EP400: variants seen among roughly 807,000 people sequenced by gnomAD.
EP400 encodes E1A-binding protein p400.
EP400 carries 105 observed loss-of-function variants against 354.1 expected under a neutral mutation model. That is an observed-to-expected ratio of 0.30 (90% CI 0.25 to 0.35). EP400 has a LOEUF of 0.35. EP400 is among the 10% of genes least tolerant of loss of function. EP400 has a pLI of 1.00. For missense variants in EP400, 3,280 were observed against 4,121.0 expected (o/e 0.80, Z 5.59); for synonymous variants, 1,646 against 1,716.9 (o/e 0.96, Z 1.02).
Position 131,952,405 on chromosome 12 carries a change from C to T in EP400, c.-36+2369C>T, listed in dbSNP as rs889647206. 2.6e-5 allele frequency among the ~76,000 whole-genome samples: 4 copies of T among 152,072 alleles called. No homozygotes were observed. In the South Asian group the frequency reaches 8.3e-4, roughly 32 times the overall value. ...TCAGTGATCCACCCACTTCGGCCTC[C>T]CAAAGTGCTGGGATTACAGGTGTGA... On this transcript the variant is annotated intron_variant, in intron 1 of 52. Transcript: ENST00000389561.
chr12:132,035,921 A>T (rs2136564515), intron 30 of EP400, among the ~76,000 whole-genome samples: 1 of 134,328 alleles, frequency 7.4e-6, no homozygotes, highest in Non-Finnish European at 1.6e-5. Flanking sequence ...TTCACACGGA[A>T]CGTCGTGGAA....
chr12:132,022,627 C>CA (rs1484581784), intron 23 of EP400, among the ~76,000 whole-genome samples: 2 of 148,898 alleles, frequency 1.3e-5, no homozygotes, highest in Admixed American at 1.3e-4. Flanking sequence ...TATGTTTTTT[C>CA]AAAAAAAGTG....
intron 12 of EP400, among the ~76,000 whole-genome samples, chr12:131,998,604 C>T (rs1204574068): frequency 6.7e-6 from 1 of 150,324 alleles, no homozygotes; most frequent in Non-Finnish European, 1.5e-5. Context: ...TTCTCTTATA[C>T]TCAGCAACTT....
intron 1 of EP400, among the ~76,000 whole-genome samples, chr12:131,958,786 G>C: frequency 6.6e-6 from 1 of 152,146 alleles, no homozygotes. Context: ...CTCCCCAGGT[G>C]CTGGCATTAC....
Position 132,075,119 on chromosome 12 carries a change from G to A in EP400, c.9022-1397G>A, listed in dbSNP as rs1207972602. Among the ~76,000 whole-genome samples, 1 of 152,106 alleles carries A rather than the reference G, an allele frequency of 6.6e-6. No homozygotes were observed. Among genetic ancestry groups the A allele is most frequent in the Admixed American group, 6.5e-5 (1 of 15,278 alleles). On this transcript the variant is annotated intron_variant, in intron 51 of 52. Transcript: ENST00000389561. The surrounding 1 kb of genome is among the most constrained non-coding windows in gnomAD (Gnocchi z 4.5). ...TAGGGCAGGTGCTTTTCTTACAGATGCCACTGGAGGAAGGGGATGCTTTCT... is the reference window on the plus strand; with the variant it reads ...TAGGGCAGGTGCTTTTCTTACAGATACCACTGGAGGAAGGGGATGCTTTCT...
intron 45 of EP400, among the ~76,000 whole-genome samples, chr12:132,058,751 G>T (rs957704667): frequency 1.3e-5 from 2 of 151,774 alleles, no homozygotes; most frequent in African/African-American, 4.8e-5. Context: ...ATGTAGAATT[G>T]ATTAGAGTAG....
intron 30 of EP400, among the ~76,000 whole-genome samples, chr12:132,032,637 T>C (rs938140827): frequency 2.0e-5 from 3 of 151,736 alleles, no homozygotes; most frequent in Non-Finnish European, 4.4e-5. Flanking sequence ...TTTTTTTTTT[T>C]TTCTTTTTTT....
In EP400 at chr12:132,043,740, A is replaced by C. The variant is rs764856818; in HGVS notation, c.6450+12A>C. The stretch of plus-strand genomic sequence containing the variant: ...AGAGAAACAGTGAGGTAAGAGAATC[A>C]ACTTTTGGTCAGTGAAAAAAATTTG... On this transcript the variant is annotated intron_variant, in intron 34 of 52. Transcript: ENST00000389561. 2.5e-6 allele frequency: 4 copies of C among 1,594,608 alleles called. No homozygotes were observed. Among genetic ancestry groups the C allele is most frequent in the Non-Finnish European group, 3.4e-6 (4 of 1,174,048 alleles).
At chr12:132,035,761 A>C (rs1436018968) in intron 30 of EP400, among the ~76,000 whole-genome samples, 1 of 149,072 alleles carries the variant, frequency 6.7e-6, no homozygotes, top group Non-Finnish European at 1.5e-5. Flanking sequence ...ACGTCTTGGA[A>C]GCACACAGCC....
Position 132,013,381 on chromosome 12 carries a change from T to C in EP400, c.3612-109T>C. On this transcript the variant is annotated intron_variant, in intron 17 of 52. Transcript: ENST00000389561. The surrounding 1 kb of genome is among the most constrained non-coding windows in gnomAD (Gnocchi z 4.5). ...TTTTCAGGCATGTGCACGTTGACAT[T>C]TGCGGTGTCAAATTACTGTCCCTTT... 1 of 1,432,196 alleles carries C rather than the reference T, an allele frequency of 7.0e-7. No homozygotes were observed. Among genetic ancestry groups the C allele is most frequent in the Non-Finnish European group, 9.4e-7 (1 of 1,064,990 alleles). The allele number at this position is 1,432,196 out of a possible 1,614,324, so 88.7% of individuals were successfully genotyped here. A position where few individuals can be genotyped will look rare whatever the true frequency, so the allele number is the denominator to read the frequency against.
chr12:132,078,378 CTACCCTGCAATGG>C lies in EP400; in HGVS notation c.*706_*718del, dbSNP rs1455275057. On this transcript the variant is annotated 3_prime_UTR_variant, in exon 53 of 53. Coordinates refer to ENST00000389561, the MANE Select transcript of EP400 (RefSeq NM_015409.5). ...AGCCAACAGTGGCCTCCCCCAGGCCCTACCCTGCAATGGGATTCGCTTTCATTTAATGGAAACT... is the reference window on the plus strand; with the variant it reads ...AGCCAACAGTGGCCTCCCCCAGGCCCGATTCGCTTTCATTTAATGGAAACT... 1 of 152,344 alleles carries C rather than the reference CTACCCTGCAATGG, an allele frequency of 6.6e-6. No homozygotes were observed. The highest frequency in any genetic ancestry group is 1.5e-5 in the Non-Finnish European group (1 of 68,118). The allele number at this position is 152,344 out of a possible 1,614,324, so 9.4% of individuals were successfully genotyped here.
rs754037528 is a variant in EP400, at chr12:132,044,213, T to G, written c.6487T>G (p.Trp2163Gly). 1.2e-6 allele frequency: 2 copies of G among 1,614,216 alleles called. No homozygotes were observed. The highest frequency in any genetic ancestry group is 1.1e-5 in the South Asian group (1 of 91,086). The change falls in exon 35 of 53, where the codon TGG (tryptophan) becomes GGG (glycine). Residue 2163 changes from tryptophan (W) to glycine (G), a missense_variant. Transcript: ENST00000389561. The part of the protein sequence containing the change: ...VMTAVRAWEF[W>G]NLKTLQEREA... The stretch of plus-strand genomic sequence containing the variant: ...GACTGCAGTGAGGGCATGGGAGTTC[T>G]GGAACCTGAAGACCCTGCAGGAGAG...
At position 132,041,610 on chromosome 12, in the gene EP400, G is replaced by A. The variant is rs923454767; in HGVS notation, c.6208-1694G>A. ...TGATGGAGTGGTTCATTTGAATTGT[G>A]CTCCTGTGGATATTTGTATCCTTGT... is the stretch of plus-strand genomic sequence containing the variant. On this transcript the variant is annotated intron_variant, in intron 32 of 52. Coordinates refer to ENST00000389561, the MANE Select transcript of EP400 (RefSeq NM_015409.5). Among the ~76,000 whole-genome samples, 3 of 152,328 alleles carry A rather than the reference G, an allele frequency of 2.0e-5. No homozygotes were observed. In the South Asian group the frequency reaches 6.2e-4, roughly 32 times the overall value.
In EP400 at chr12:131,960,878, C is replaced by A. The variant is rs1185402356; in HGVS notation, c.259C>A (p.Gln87Lys). The A allele has an allele frequency of 2.5e-6, 4 of 1,614,044 alleles. No homozygotes were observed. Among genetic ancestry groups the A allele is most frequent in the Non-Finnish European group, 3.4e-6 (4 of 1,180,034 alleles). The change falls in exon 2 of 53, where the codon CAG becomes AAG. Residue 87 changes from glutamine to lysine, a missense_variant. By Grantham distance (53) the Gln-to-Lys change is moderately conservative. Around this residue, in one of 20 missense-constraint regions of EP400, gnomAD observed 172 missense variants for 242.9 expected, o/e 0.71. Transcript: ENST00000389561. ...QSVGPVVGGN[Q>K]QITLAPLPLP... Reference sequence around the variant, plus strand: ...CGTGGGCCCTGTCGTCGGGGGAAACCAGCAGATCACACTGGCCCCACTGCC... The same window carrying A: ...CGTGGGCCCTGTCGTCGGGGGAAACAAGCAGATCACACTGGCCCCACTGCC...
chr12:131,997,533 G>A (rs1893255688), intron 12 of EP400, among the ~76,000 whole-genome samples: 1 of 152,092 alleles, frequency 6.6e-6, no homozygotes, highest in African/African-American at 2.4e-5. Flanking sequence ...TGGGTTTACA[G>A]GTGTGAGCCA....
intron 2 of EP400, among the ~76,000 whole-genome samples, chr12:131,974,417 C>T (rs1892398559): frequency 6.6e-6 from 1 of 152,186 alleles, no homozygotes; most frequent in Non-Finnish European, 1.5e-5. Flanking sequence ...CACCTGGCTT[C>T]ATAGTTTATT....
rs753020019 is a variant in EP400, at chr12:132,025,647, C to T, written c.4857C>T (p.Gly1619=). The change falls in exon 25 of 53, where the codon GGC becomes GGT. Residue 1619 remains glycine, a splice_region_variant and synonymous_variant. Coordinates refer to ENST00000389561, the MANE Select transcript of EP400 (RefSeq NM_015409.5). The surrounding 1 kb of genome is among the most constrained non-coding windows in gnomAD (Gnocchi z 4.1). The part of the protein sequence containing the change: ...LTAGQPLQLQ[G]SVLQIVSAPG... Reference sequence around the variant, plus strand: ...CACCTAGTGGACCTATGATTGCAGGCAGCGTCCTCCAGATCGTGTCCGCCC... The same window carrying T: ...CACCTAGTGGACCTATGATTGCAGGTAGCGTCCTCCAGATCGTGTCCGCCC... The T allele has an allele frequency of 1.3e-6, 2 of 1,597,206 alleles. No homozygotes were observed. The highest frequency in any genetic ancestry group is 1.8e-5 in the Admixed American group (1 of 56,538).
chr12:131,975,389 G>C (rs1343867676), intron 2 of EP400, among the ~76,000 whole-genome samples: 1 of 152,188 alleles, frequency 6.6e-6, no homozygotes, highest in Non-Finnish European at 1.5e-5. Context: ...GCGTGGGTCT[G>C]ATTCTTGGTG....
intron 45 of EP400, among the ~76,000 whole-genome samples, chr12:132,055,992 G>A (rs1452756121): frequency 6.6e-6 from 1 of 151,816 alleles, no homozygotes; most frequent in African/African-American, 2.4e-5. Context: ...GGTGGGCATG[G>A]GAGGAGCGGG....
Sources: gnomAD v4.1 joint callset for allele counts (sites outside exome capture counted in the v4.1 genomes callset) on GRCh38, gnomAD v4.1.1 for gene constraint, gnomAD v4.1.1 regional missense constraint, Gnocchi (gnomAD v3.1) non-coding constraint, MANE v1.5 for transcripts, NCBI Gene and HGNC (gene_info 2026-07-23, HGNC 2026-07-21) for gene names.